The following OR4F15 variants were observed in gnomAD, a reference collection of about 807,000 sequenced individuals.
OR4F15 encodes olfactory receptor family 4 subfamily F member 15.
A neutral mutation model predicts 11.9 loss-of-function variants in OR4F15; 7 were observed. The ratio of observed to expected loss-of-function variants is 0.59; its 90% CI spans 0.33 to 1.10. The LOEUF is 1.10. Among genes scored for constraint, OR4F15 ranks in the 50% least tolerant of loss-of-function variants. The pLI, the probability that OR4F15 is intolerant of heterozygous loss-of-function variation, is 0.03. For synonymous variants in OR4F15, 151 were observed against 134.6 expected (o/e 1.12, Z -0.84); for missense variants, 445 against 377.5 (o/e 1.18, Z -1.48).
At position 101,819,001 on chromosome 15, in the gene OR4F15, C is replaced by T. The variant is rs1354387772; in HGVS notation, c.815C>T (p.Ala272Val). Residue 272 changes from alanine to valine, a missense_variant, in exon 2 of 2, where the codon GCT becomes GTT. Coordinates refer to ENST00000332238, the MANE Select transcript of OR4F15 (RefSeq NM_001001674.2). The part of the protein sequence containing the change: ...SPTSHLDKYL[A>V]IFDAFITPFL... ...ACATCACACCTGGATAAATATCTTG[C>T]TATTTTTGATGCATTTATTACTCCT... 1.2e-6 allele frequency: 2 copies of T among 1,614,032 alleles called. No individual in the cohort carries two copies. Among genetic ancestry groups the T allele is most frequent in the Non-Finnish European group, 1.7e-6 (2 of 1,179,932 alleles).
rs76388025 is a variant in OR4F15, at chr15:101,816,415, A to G, written c.-37-1735A>G. On this transcript the variant is annotated intron_variant, in intron 1 of 1. Transcript: ENST00000332238. Reference sequence around the variant, plus strand: ...GTTGACACCTTGATTTTAGCTCTGAAAACTCATTTTATTGATTTTAGCTCT... The same window carrying G: ...GTTGACACCTTGATTTTAGCTCTGAGAACTCATTTTATTGATTTTAGCTCT... Among the ~76,000 whole-genome samples the G allele has an allele frequency of 1.3e-3, 196 of 152,240 alleles. 1 individual carries two copies. Among genetic ancestry groups the G allele is most frequent in the African/African-American group, 4.6e-3 (190 of 41,556 alleles).
rs1903063348 is a variant in OR4F15, at chr15:101,819,362, A to G, written c.*237A>G. 2 of 460,016 alleles carry G rather than the reference A, an allele frequency of 4.3e-6. No homozygotes were observed. The highest frequency in any genetic ancestry group is 7.7e-6 in the Non-Finnish European group (2 of 261,168). The allele number at this position is 460,016 out of a possible 1,614,324, so 28.5% of individuals were successfully genotyped here. A position where few individuals can be genotyped will look rare whatever the true frequency, so the allele number is the denominator to read the frequency against. On this transcript the variant is annotated 3_prime_UTR_variant, in exon 2 of 2. Transcript: ENST00000332238. The stretch of plus-strand genomic sequence containing the variant: ...CTTTTGTAACCTACCACTTTGAAAG[A>G]CCTTGTTCTAGGTGAGTGCCATGTA...
At position 101,813,751 on chromosome 15, in the gene OR4F15, G is replaced by A. The variant is rs1317855518; in HGVS notation, c.-38+1479G>A. 5.3e-5 allele frequency among the ~76,000 whole-genome samples: 8 copies of A among 152,098 alleles called. No individual in the cohort carries two copies. The East Asian group carries it at 1.3e-3, about 26-fold the overall frequency. ...CTATTCTAAGAAGTTGCCCAATTCC[G>A]ATCCCATGCAATTCCAGTTAGGTGA... On this transcript the variant is annotated intron_variant, in intron 1 of 1. Transcript: ENST00000332238.
rs759516645 is a variant in OR4F15, at chr15:101,818,508, G to T, written c.322G>T (p.Gly108Trp). 7 of 1,614,012 alleles carry T rather than the reference G, an allele frequency of 4.3e-6. No homozygotes were observed. In the South Asian group the frequency reaches 4.4e-5, roughly 10 times the overall value. The change falls in exon 2 of 2, where the codon GGG becomes TGG. Residue 108 changes from glycine (G) to tryptophan (W), a missense_variant. By Grantham distance (184) the Gly-to-Trp change is radical. Transcript: ENST00000332238. ...ITQIFFSHAL[G>W]GTEMVLLIAM... The stretch of plus-strand genomic sequence containing the variant: ...TCAGATCTTCTTTAGCCATGCTCTT[G>T]GGGGCACTGAGATGGTGCTGCTCAT...
intron 1 of OR4F15, among the ~76,000 whole-genome samples, chr15:101,813,944 A>G (rs1419654125): frequency 7.2e-5 from 11 of 152,338 alleles, no homozygotes; most frequent in Non-Finnish European, 1.2e-4. Context: ...CCTAATGGCA[A>G]TGGCCTTAGG....
chr15:101,812,311 G>A (rs1902920809), intron 1 of OR4F15, 39 bp downstream of exon 1: 1 of 152,194 alleles, frequency 6.6e-6, no homozygotes, highest in Non-Finnish European at 1.5e-5. Flanking sequence ...GAAACAGGTG[G>A]TTGTGGTGGG....
chr15:101,819,344 A>G lies in OR4F15; in HGVS notation c.*219A>G. On this transcript the variant is annotated 3_prime_UTR_variant, in exon 2 of 2. Transcript: ENST00000332238. ...AATATTAAATCTTAATGTCTTTTGT[A>G]ACCTACCACTTTGAAAGACCTTGTT... 1 of 492,954 alleles carries G rather than the reference A, an allele frequency of 2.0e-6. No homozygotes were observed. The highest frequency in any genetic ancestry group is 3.4e-5 in the South Asian group (1 of 29,086). The allele number at this position is 492,954 out of a possible 1,614,324, so 30.5% of individuals were successfully genotyped here.
At chr15:101,816,671 A>G (rs1308755054) in intron 1 of OR4F15, among the ~76,000 whole-genome samples, 1 of 152,144 alleles carries the variant, frequency 6.6e-6, no homozygotes, top group Non-Finnish European at 1.5e-5. Context: ...TGCTTCCTAT[A>G]TTTCTTTCTT....
At chr15:101,815,732 A>G (rs1902977588) in intron 1 of OR4F15, among the ~76,000 whole-genome samples, 1 of 152,186 alleles carries the variant, frequency 6.6e-6, no homozygotes, top group South Asian at 2.1e-4. Context: ...TGTATCTGGA[A>G]TCCTGGGCAC....
At chr15:101,813,380 A>C (rs1294880437) in intron 1 of OR4F15, among the ~76,000 whole-genome samples, 1 of 152,028 alleles carries the variant, frequency 6.6e-6, no homozygotes, top group Non-Finnish European at 1.5e-5. Flanking sequence ...GTGGTGGTGC[A>C]TGAATGTAAA....
In OR4F15 at chr15:101,818,200, A is replaced by G. The variant is rs781152452; in HGVS notation, c.14A>G (p.Asn5Ser). The G allele has an allele frequency of 6.2e-7, 1 of 1,607,054 alleles. No individual in the cohort carries two copies. Among genetic ancestry groups the G allele is most frequent in the Non-Finnish European group, 8.5e-7 (1 of 1,175,182 alleles). ...GAGTCTGAGGCAATGAATGGAATGA[A>G]TCACTCTGTGGTATCAGAATTTGTA... MNGM[N>S]HSVVSEFVFM... Residue 5 changes from asparagine (N) to serine (S), a missense_variant, in exon 2 of 2, where the codon AAT (asparagine) becomes AGT (serine). Physicochemically the swap from Asn to Ser is conservative, Grantham distance 46 (BLOSUM62 1). Transcript: ENST00000332238.
At chr15:101,818,061 A>G in intron 1 of OR4F15, 89 bp from the exon 2 acceptor site, 1 of 694,812 alleles carries the variant, frequency 1.4e-6, no homozygotes, top group Non-Finnish European at 2.5e-6. Flanking sequence ...AGATGTTAAT[A>G]TGATAGTTAT....
At position 101,818,885 on chromosome 15, in the gene OR4F15, A is replaced by G. The variant is rs764067689; in HGVS notation, c.699A>G (p.Leu233=). The change falls in exon 2 of 2, where the codon CTA becomes CTG. Residue 233 remains leucine, a synonymous_variant. Transcript: ENST00000332238. ...TTTGGAAACATTCTTCTGGTGGTCT[A>G]GCCAAGGCCCTCTCTACCCTGTCAG... is the stretch of plus-strand genomic sequence containing the variant. The part of the protein sequence containing the change: ...FTVWKHSSGG[L]AKALSTLSAH... The G allele has an allele frequency of 2.5e-6, 4 of 1,613,982 alleles. No homozygotes were observed. The South Asian group carries it at 4.4e-5, about 18-fold the overall frequency.
In OR4F15 at chr15:101,819,379, T is replaced by C. The variant is rs1903063594; in HGVS notation, c.*254T>C. 2.4e-6 allele frequency: 1 copy of C among 424,120 alleles called. No homozygotes were observed. The allele number at this position is 424,120 out of a possible 1,614,324, so 26.3% of individuals were successfully genotyped here. On this transcript the variant is annotated 3_prime_UTR_variant, in exon 2 of 2. Transcript: ENST00000332238. Reference sequence around the variant, plus strand: ...TTTGAAAGACCTTGTTCTAGGTGAGTGCCATGTAATTGAACAAATAACAAT... The same window carrying C: ...TTTGAAAGACCTTGTTCTAGGTGAGCGCCATGTAATTGAACAAATAACAAT...
In OR4F15 at chr15:101,818,574, C is replaced by G; in HGVS notation, c.388C>G (p.Leu130Val). 1 of 1,614,204 alleles carries G rather than the reference C, an allele frequency of 6.2e-7. No homozygotes were observed. Among genetic ancestry groups the G allele is most frequent in the African/African-American group, 1.3e-5 (1 of 75,062 alleles). ...FDRYMAICKP[L>V]HYLTIMSPRM... ...CAGATACATGGCCATATGTAAACCT[C>G]TCCACTACCTGACCATCATGAGCCC... The change falls in exon 2 of 2, where the codon CTC (leucine) becomes GTC (valine). Residue 130 changes from leucine to valine, a missense_variant. Coordinates refer to ENST00000332238, the MANE Select transcript of OR4F15 (RefSeq NM_001001674.2).
chr15:101,819,346 C>A lies in OR4F15; in HGVS notation c.*221C>A. The stretch of plus-strand genomic sequence containing the variant: ...TATTAAATCTTAATGTCTTTTGTAA[C>A]CTACCACTTTGAAAGACCTTGTTCT... On this transcript the variant is annotated 3_prime_UTR_variant, in exon 2 of 2. Coordinates refer to ENST00000332238, the MANE Select transcript of OR4F15 (RefSeq NM_001001674.2). 2.1e-6 allele frequency: 1 copy of A among 485,826 alleles called. No homozygotes were observed. Among genetic ancestry groups the A allele is most frequent in the Non-Finnish European group, 3.6e-6 (1 of 276,674 alleles). The allele number at this position is 485,826 out of a possible 1,614,324, so 30.1% of individuals were successfully genotyped here.
intron 1 of OR4F15, among the ~76,000 whole-genome samples, chr15:101,814,045 G>C (rs192793450): frequency 1.3e-5 from 2 of 152,162 alleles, no homozygotes; most frequent in African/African-American, 4.8e-5. Context: ...GCCATTCAGC[G>C]ACCCAAAGAT....
At chr15:101,816,803 C>T (rs965344943) in intron 1 of OR4F15, among the ~76,000 whole-genome samples, 9 of 152,146 alleles carry the variant, frequency 5.9e-5, no homozygotes, top group African/African-American at 2.2e-4. Flanking sequence ...AATATTGTCA[C>T]ACCTCCCCAT....
rs3914380 is a variant in OR4F15, at chr15:101,813,543, A to G, written c.-38+1271A>G. On this transcript the variant is annotated intron_variant, in intron 1 of 1. Transcript: ENST00000332238. Reference sequence around the variant, plus strand: ...AAAAAAAAATGCATGATACCTGTTCATAATAGCTAAGAAATATATTTTTGA... The same window carrying G: ...AAAAAAAAATGCATGATACCTGTTCGTAATAGCTAAGAAATATATTTTTGA... Among the ~76,000 whole-genome samples, 1,188 of 150,570 alleles carry G rather than the reference A, an allele frequency of 7.9e-3. 17 individuals are homozygous for G. Among genetic ancestry groups the G allele is most frequent in the South Asian group, 0.047 (224 of 4,758 alleles).
Sources: allele counts gnomAD v4.1 joint callset (sites outside exome capture counted in the v4.1 genomes callset), GRCh38; gene constraint gnomAD v4.1.1; transcripts MANE v1.5; gene names NCBI Gene and HGNC (gene_info 2026-07-23, HGNC 2026-07-21).